Variants in RAD9B observed in about 807,000 individuals in gnomAD.
The protein encoded by RAD9B is cell cycle checkpoint control protein RAD9B.
Under a neutral mutation model 48.3 loss-of-function variants are expected in RAD9B, and 41 were observed. The observed-to-expected ratio is 0.85, with a 90% CI of 0.66 to 1.10. The LOEUF is 1.10. Among genes scored for constraint, RAD9B ranks in the 50% least tolerant of loss-of-function variants. The pLI is 0.00. For missense variants in RAD9B, 444 were observed against 485.1 expected (o/e 0.92, Z 0.80); for synonymous variants, 160 against 157.9 (o/e 1.01, Z -0.10).
In RAD9B at chr12:110,530,919, A is replaced by G. The variant is rs1392172044; in HGVS notation, c.*266A>G. ...GAAAAAAGCCCATTAGAGTTCTTCA[A>G]TTCAATGCACGTTCACCCTAGAGCT... On this transcript the variant is annotated 3_prime_UTR_variant, in exon 11 of 11. Coordinates refer to ENST00000409300, the MANE Select transcript of RAD9B (RefSeq NM_001286535.2). 1.7e-6 allele frequency: 2 copies of G among 1,184,172 alleles called. No individual in the cohort carries two copies. The highest frequency in any genetic ancestry group is 1.5e-5 in the African/African-American group (1 of 65,094). The allele number at this position is 1,184,172 out of a possible 1,614,324, so 73.4% of individuals were successfully genotyped here. A position where few individuals can be genotyped will look rare whatever the true frequency, so the allele number is the denominator to read the frequency against.
chr12:110,528,939 G>C (rs1163880475), intron 10 of RAD9B, among the ~76,000 whole-genome samples: 3 of 152,124 alleles, frequency 2.0e-5, no homozygotes, highest in African/African-American at 4.8e-5. Flanking sequence ...TCTTGCTCAG[G>C]CTGGTCTCGA....
At position 110,531,186 on chromosome 12, in the gene RAD9B, T is replaced by C; in HGVS notation, c.*533T>C. Reference sequence around the variant, plus strand: ...GGAAAAAAGATCAAGAGTAAAAATATATAGTCACTTTCACTTGGCTTTTTT... The same window carrying C: ...GGAAAAAAGATCAAGAGTAAAAATACATAGTCACTTTCACTTGGCTTTTTT... On this transcript the variant is annotated 3_prime_UTR_variant, in exon 11 of 11. Coordinates refer to ENST00000409300, the MANE Select transcript of RAD9B (RefSeq NM_001286535.2). The C allele has an allele frequency of 1.0e-6, 1 of 987,642 alleles. No individual in the cohort carries two copies. The highest frequency in any genetic ancestry group is 1.8e-5 in the African/African-American group (1 of 56,970). 61.2% of individuals were successfully genotyped at this position (987,642 alleles called of 1,614,324 possible).
Position 110,522,393 on chromosome 12 carries a change from GTC to G in RAD9B, c.1111_1112del (p.Leu371ValfsTer16). 1 of 1,607,576 alleles carries G rather than the reference GTC, an allele frequency of 6.2e-7. No homozygotes were observed. The highest frequency in any genetic ancestry group is 8.5e-7 in the Non-Finnish European group (1 of 1,176,178). ...TCAGCAACACAGAGGAAGTGCCAGGGTCTCTGTGTCTCAGAAAGGTAAAAGCA... is the reference window on the plus strand; with the variant it reads ...TCAGCAACACAGAGGAAGTGCCAGGGTCTGTGTCTCAGAAAGGTAAAAGCA... ...SVSNTEEVPG[S>X]LCLRKFSCMF... is the part of the protein sequence containing the mutation. On this transcript the variant is annotated frameshift_variant, in exon 10 of 11. Transcript: ENST00000409300. LOFTEE classifies it low-confidence loss of function (END_TRUNC).
In RAD9B at chr12:110,505,656, G is replaced by T; in HGVS notation, c.157G>T (p.Gly53Ter). 6.3e-7 allele frequency: 1 copy of T among 1,576,220 alleles called. No homozygotes were observed. Among genetic ancestry groups the T allele is most frequent in the South Asian group, 1.2e-5 (1 of 86,276 alleles). ...TGTGAATTCTTCTCGGTCAGCATAT[G>T]GATGTGTCCTGTTCTCTCCTGTGTT... ...RCVNSSRSAYGCVLFSPVFFQ... is the reference protein window; with the variant it reads ...RCVNSSRSAY Residue 53 changes from glycine (G) to a stop codon, truncating the protein, a stop_gained, in exon 3 of 11, where the codon GGA becomes TGA. Coordinates refer to ENST00000409300, the MANE Select transcript of RAD9B (RefSeq NM_001286535.2). LOFTEE classifies it high-confidence loss of function.
intron 10 of RAD9B, among the ~76,000 whole-genome samples, chr12:110,529,890 GGATTA>G (rs1203219033): frequency 2.0e-5 from 3 of 152,100 alleles, no homozygotes; most frequent in African/African-American, 7.2e-5. Flanking sequence ...GGAAGAAGAT[GGATTA>G]ATTAATCCAG....
At chr12:110,503,108 AGT>A (rs2063142200) in intron 1 of RAD9B, 1 of 152,266 alleles carries the variant, frequency 6.6e-6, no homozygotes, top group African/African-American at 2.4e-5. Context: ...AGCCGGGCTT[AGT>A]GGTGGGCGCC....
intron 10 of RAD9B, among the ~76,000 whole-genome samples, chr12:110,524,878 A>G (rs2063887737): frequency 6.6e-6 from 1 of 151,854 alleles, no homozygotes; most frequent in African/African-American, 2.4e-5. Flanking sequence ...TTTAATATTC[A>G]GTATAACAGT....
intron 5 of RAD9B, among the ~76,000 whole-genome samples, chr12:110,514,826 A>G (rs1016893149): frequency 1.3e-5 from 2 of 152,230 alleles, no homozygotes; most frequent in African/African-American, 4.8e-5. Flanking sequence ...TACTAAGGAT[A>G]TATTTTGCTA....
chr12:110,531,698 C>G lies in RAD9B; in HGVS notation c.*1045C>G. 6.7e-7 allele frequency: 1 copy of G among 1,489,012 alleles called. No individual in the cohort carries two copies. Among genetic ancestry groups the G allele is most frequent in the Non-Finnish European group, 9.2e-7 (1 of 1,086,828 alleles). The allele number at this position is 1,489,012 out of a possible 1,614,324, so 92.2% of individuals were successfully genotyped here. A position where few individuals can be genotyped will look rare whatever the true frequency, so the allele number is the denominator to read the frequency against. On this transcript the variant is annotated 3_prime_UTR_variant, in exon 11 of 11. Coordinates refer to ENST00000409300, the MANE Select transcript of RAD9B (RefSeq NM_001286535.2). ...GTGGAATAAGGTGGAAGACAAATGTCTCTGTTCTTTGGCCCTTTAAGAGTT... is the reference window on the plus strand; with the variant it reads ...GTGGAATAAGGTGGAAGACAAATGTGTCTGTTCTTTGGCCCTTTAAGAGTT...
intron 10 of RAD9B, among the ~76,000 whole-genome samples, chr12:110,527,825 C>T (rs982892165): frequency 1.1e-4 from 16 of 152,138 alleles, no homozygotes; most frequent in African/African-American, 2.7e-4. Flanking sequence ...CAGGTCAGAA[C>T]GTCTTCCCCT....
chr12:110,510,231 A>G (rs754384575), intron 4 of RAD9B, among the ~76,000 whole-genome samples: 2 of 152,130 alleles, frequency 1.3e-5, no homozygotes, highest in African/African-American at 4.8e-5. Context: ...TTTTCTTGCT[A>G]TCTATCTCCC....
intron 10 of RAD9B, among the ~76,000 whole-genome samples, chr12:110,527,886 A>G (rs767576700): frequency 1.1e-4 from 16 of 151,872 alleles, no homozygotes; most frequent in Non-Finnish European, 2.2e-4. Context: ...TGGGGGTGGG[A>G]GTAGAGCTCA....
At chr12:110,502,660 G>T in intron 1 of RAD9B, 1 of 429,208 alleles carries the variant, frequency 2.3e-6, no homozygotes. Flanking sequence ...GGACTGCATG[G>T]GGAAGAGTTG....
At chr12:110,528,848 C>T (rs2064030262) in intron 10 of RAD9B, among the ~76,000 whole-genome samples, 2 of 152,168 alleles carry the variant, frequency 1.3e-5, no homozygotes, top group South Asian at 2.1e-4. Context: ...GTGCCTCAGA[C>T]TCCCAAGTAG....
Position 110,530,695 on chromosome 12 carries a change from C to T in RAD9B, c.*42C>T. On this transcript the variant is annotated 3_prime_UTR_variant, in exon 11 of 11. Transcript: ENST00000409300. ...AGCTGGGCCCCAGCCCAGTGACTGG[C>T]TCATTTGCCCCTCAAGCACGAGTTT... The T allele has an allele frequency of 1.2e-6, 2 of 1,609,680 alleles. No homozygotes were observed. The highest frequency in any genetic ancestry group is 1.7e-6 in the Non-Finnish European group (2 of 1,177,612).
chr12:110,503,793 T>C lies in RAD9B; in HGVS notation c.47-13T>C. 1 of 1,596,840 alleles carries C rather than the reference T, an allele frequency of 6.3e-7. No homozygotes were observed. Among genetic ancestry groups the C allele is most frequent in the Admixed American group, 1.7e-5 (1 of 58,942 alleles). On this transcript the variant is annotated splice_polypyrimidine_tract_variant and intron_variant, in intron 1 of 10. Transcript: ENST00000409300. Reference sequence around the variant, plus strand: ...GGAAAGAATATAAGCATCACCTTTCTTTTTCTCCATAGTATTTGGGAAAGC... The same window carrying C: ...GGAAAGAATATAAGCATCACCTTTCCTTTTCTCCATAGTATTTGGGAAAGC...
At chr12:110,512,495 A>G (rs2063489775) in intron 4 of RAD9B, among the ~76,000 whole-genome samples, 1 of 152,222 alleles carries the variant, frequency 6.6e-6, no homozygotes, top group African/African-American at 2.4e-5. Context: ...CAATAAAAAT[A>G]TATTAACAAA....
chr12:110,505,315 A>G lies in RAD9B; in HGVS notation c.118-302A>G, dbSNP rs1387126734. Reference sequence around the variant, plus strand: ...ATATGTATATATATGCAAATTCAATACAGACTATATAGGGCAGTCCATAAT... The same window carrying G: ...ATATGTATATATATGCAAATTCAATGCAGACTATATAGGGCAGTCCATAAT... On this transcript the variant is annotated intron_variant, in intron 2 of 10. Transcript: ENST00000409300. Among the ~76,000 whole-genome samples, 3 of 152,140 alleles carry G rather than the reference A, an allele frequency of 2.0e-5. No individual in the cohort carries two copies. The East Asian group carries it at 5.8e-4, about 29-fold the overall frequency.
intron 10 of RAD9B, among the ~76,000 whole-genome samples, chr12:110,530,139 T>G (rs2064087534): frequency 6.6e-6 from 1 of 152,094 alleles, no homozygotes; most frequent in Non-Finnish European, 1.5e-5. Context: ...GCCTCCCGGG[T>G]TCACGCCATT....
Sources: allele counts gnomAD v4.1 joint callset (sites outside exome capture counted in the v4.1 genomes callset), GRCh38; gene constraint gnomAD v4.1.1; transcripts MANE v1.5; gene names NCBI Gene and HGNC (gene_info 2026-07-23, HGNC 2026-07-21).